The following ZHX2 variants were observed in gnomAD, a reference collection of about 807,000 sequenced individuals.
The protein encoded by ZHX2 is zinc fingers and homeoboxes protein 2.
A neutral mutation model predicts 21.9 loss-of-function variants in ZHX2; 6 were observed. The ratio of observed to expected loss-of-function variants is 0.27; its 90% CI spans 0.15 to 0.54. The LOEUF is 0.54. ZHX2 is among the 20% of genes least tolerant of loss of function. The pLI, the probability that ZHX2 is intolerant of heterozygous loss-of-function variation, is 0.95. For missense variants in ZHX2, 908 were observed against 1,090.7 expected, an observed-to-expected ratio of 0.83 and a Z score of 2.36; for synonymous variants, 434 against 437.1, an observed-to-expected ratio of 0.99 and a Z score of 0.09.
rs201126119 is a variant in ZHX2, at chr8:122,951,911, C to T, written c.401C>T (p.Pro134Leu). Residue 134 changes from proline (P) to leucine (L), a missense_variant, in exon 3 of 4, where the codon CCC (proline) becomes CTC (leucine). Pro to Leu is a moderately conservative substitution (Grantham distance 98). This residue lies in a region of ZHX2 where 220 missense variants were observed against 251.4 expected (regional missense o/e 0.88). Coordinates refer to ENST00000314393, the MANE Select transcript of ZHX2 (RefSeq NM_014943.5). Reference sequence around the variant, plus strand: ...TCCGACCACAACTCCAAGTTCCATCCCGGGGAGGCCAACTTCAAGCTGAAG... The same window carrying T: ...TCCGACCACAACTCCAAGTTCCATCTCGGGGAGGCCAACTTCAAGCTGAAG... The part of the protein sequence containing the change: ...SLSDHNSKFH[P>L]GEANFKLKLI... 5.1e-5 allele frequency: 82 copies of T among 1,613,938 alleles called. No homozygotes were observed. Among genetic ancestry groups the T allele is most frequent in the Non-Finnish European group, 6.9e-5 (81 of 1,180,028 alleles).
chr8:122,891,393 T>C (rs1819976487), intron 2 of ZHX2, among the ~76,000 whole-genome samples: 1 of 151,926 alleles, frequency 6.6e-6, no homozygotes, highest in South Asian at 2.1e-4. Context: ...ACTTTTCATC[T>C]TTTGTATTGT....
At chr8:122,962,543 C>T (rs1159368796) in intron 3 of ZHX2, among the ~76,000 whole-genome samples, 2 of 152,232 alleles carry the variant, frequency 1.3e-5, no homozygotes, top group South Asian at 4.2e-4. Context: ...CATCTAGGCT[C>T]GTTACATATT....
chr8:122,865,746 CCTTATT>C (rs1260793046), intron 2 of ZHX2, among the ~76,000 whole-genome samples: 20 of 152,150 alleles, frequency 1.3e-4, no homozygotes, highest in African/African-American at 4.6e-4. Flanking sequence ...AAATATTAAT[CCTTATT>C]CTTATTCTGG....
At chr8:122,962,530 G>A (rs1456144921) in intron 3 of ZHX2, among the ~76,000 whole-genome samples, 1 of 152,162 alleles carries the variant, frequency 6.6e-6, no homozygotes, top group Non-Finnish European at 1.5e-5. Context: ...GTTGGTTGAT[G>A]GGCATCTAGG....
intron 2 of ZHX2, among the ~76,000 whole-genome samples, chr8:122,864,297 G>A (rs186553501): frequency 4.0e-5 from 6 of 151,750 alleles, no homozygotes; most frequent in Admixed American, 2.6e-4. Context: ...CATTGCCTCC[G>A]TTTTAGGTGC....
intron 1 of ZHX2, among the ~76,000 whole-genome samples, chr8:122,788,159 C>T (rs1817436777): frequency 6.6e-6 from 1 of 152,354 alleles, no homozygotes; most frequent in East Asian, 1.9e-4. Flanking sequence ...AAAAAGTAAG[C>T]ACCTACTATG....
At chr8:122,849,726 G>T (rs1818841834) in intron 1 of ZHX2, among the ~76,000 whole-genome samples, 1 of 152,088 alleles carries the variant, frequency 6.6e-6, no homozygotes, top group African/African-American at 2.4e-5. Context: ...CATCTACAAA[G>T]ATTCTTTTCA....
chr8:122,912,340 T>G (rs1033290463), intron 2 of ZHX2, among the ~76,000 whole-genome samples: 27 of 152,220 alleles, frequency 1.8e-4, no homozygotes, highest in African/African-American at 6.3e-4. Context: ...GCCTGGGCAC[T>G]GGGTGCTCTG....
chr8:122,796,984 G>T (rs1345310076), intron 1 of ZHX2, among the ~76,000 whole-genome samples: 1 of 152,124 alleles, frequency 6.6e-6, no homozygotes, highest in Admixed American at 6.5e-5. Flanking sequence ...CCGGCCAGGG[G>T]GTTCCTTGGC....
intron 1 of ZHX2, among the ~76,000 whole-genome samples, chr8:122,795,628 A>T (rs1817600228): frequency 6.6e-6 from 1 of 152,168 alleles, no homozygotes; most frequent in Admixed American, 6.5e-5. Flanking sequence ...AAATGTGTTA[A>T]GTGTCAGCCA....
intron 2 of ZHX2, among the ~76,000 whole-genome samples, chr8:122,878,035 C>T (rs377159280): frequency 6.6e-6 from 1 of 152,092 alleles, no homozygotes; most frequent in East Asian, 1.9e-4. Context: ...ATCAGGATTT[C>T]ACTGGGTGGA....
At chr8:122,879,251 G>C (rs1400157499) in intron 2 of ZHX2, among the ~76,000 whole-genome samples, 3 of 152,126 alleles carry the variant, frequency 2.0e-5, no homozygotes, top group Non-Finnish European at 4.4e-5. Context: ...TCTGTCACCA[G>C]GCTGGAGTGC....
At chr8:122,943,798 GC>G (rs1318225094) in intron 2 of ZHX2, among the ~76,000 whole-genome samples, 1 of 152,074 alleles carries the variant, frequency 6.6e-6, no homozygotes, top group Non-Finnish European at 1.5e-5. Context: ...TTTCCCGCCA[GC>G]CCCACCCCAC....
At chr8:122,887,195 G>A (rs1819864221) in intron 2 of ZHX2, among the ~76,000 whole-genome samples, 1 of 151,758 alleles carries the variant, frequency 6.6e-6, no homozygotes, top group East Asian at 1.9e-4. Context: ...GAGATGGAGT[G>A]GTGATTCATG....
chr8:122,858,659 G>A (rs1290164389), intron 1 of ZHX2, among the ~76,000 whole-genome samples: 3 of 41,726 alleles, frequency 7.2e-5, no homozygotes, highest in Admixed American at 2.8e-4. Flanking sequence ...TTTTTTTTTT[G>A]AGACAGAATC....
chr8:122,871,917 A>G (rs1298203970), intron 2 of ZHX2, among the ~76,000 whole-genome samples: 2 of 152,122 alleles, frequency 1.3e-5, no homozygotes, highest in African/African-American at 4.8e-5. Context: ...TCAATAGTAC[A>G]TACAGGCTGG....
chr8:122,972,130 A>G (rs1263884508), intron 3 of ZHX2, among the ~76,000 whole-genome samples: 1 of 152,094 alleles, frequency 6.6e-6, no homozygotes, highest in Non-Finnish European at 1.5e-5. Context: ...CTCTATGCAC[A>G]TCTGTCTCTG....
At position 122,807,542 on chromosome 8, in the gene ZHX2, C is replaced by T. The variant is rs541883392; in HGVS notation, c.-283+25596C>T. 7.2e-5 allele frequency among the ~76,000 whole-genome samples: 11 copies of T among 152,306 alleles called. No individual in the cohort carries two copies. The East Asian group carries it at 1.2e-3, about 16-fold the overall frequency. On this transcript the variant is annotated intron_variant, in intron 1 of 3. Transcript: ENST00000314393. ...GGAGAATTTAACACTCTGCCTGCGA[C>T]CCACCTAACCAGGGATTTGTGGAAA...
chr8:122,973,223 G>A lies in ZHX2; in HGVS notation c.*5-19G>A, dbSNP rs938537266. 2 of 152,390 alleles carry A rather than the reference G, an allele frequency of 1.3e-5. No individual in the cohort carries two copies. The highest frequency in any genetic ancestry group is 4.8e-5 in the African/African-American group (2 of 41,450). The allele number at this position is 152,390 out of a possible 1,614,324, so 9.4% of individuals were successfully genotyped here. ...GTCATTTGCCTGACATCTTGACTCTGTGGTTTTGTGTCTTCTAGGGAAGTC... is the reference window on the plus strand; with the variant it reads ...GTCATTTGCCTGACATCTTGACTCTATGGTTTTGTGTCTTCTAGGGAAGTC... On this transcript the variant is annotated intron_variant, in intron 3 of 3. Coordinates refer to ENST00000314393, the MANE Select transcript of ZHX2 (RefSeq NM_014943.5).
Sources: gnomAD v4.1 joint callset for allele counts (sites outside exome capture counted in the v4.1 genomes callset) on GRCh38, gnomAD v4.1.1 for gene constraint, gnomAD v4.1.1 regional missense constraint, MANE v1.5 for transcripts, NCBI Gene and HGNC (gene_info 2026-07-23, HGNC 2026-07-21) for gene names.